SLIT2: variants seen among roughly 807,000 people sequenced by gnomAD.
SLIT2 encodes slit homolog 2 protein.
A neutral mutation model predicts 185.7 loss-of-function variants in SLIT2; 41 were observed. The observed-to-expected ratio is 0.22, with a 90% confidence interval of 0.17 to 0.29. SLIT2 has a LOEUF of 0.29. SLIT2 is among the 10% of genes least tolerant of loss of function. The pLI is 1.00. For missense variants in SLIT2, 1,571 were observed against 1,909.0 expected, an observed-to-expected ratio of 0.82 and a Z score of 3.30; for synonymous variants, 693 against 680.2, an observed-to-expected ratio of 1.02 and a Z score of -0.29.
At chr4:20,427,774 T>A (rs1442716495) in intron 4 of SLIT2, among the ~76,000 whole-genome samples, 2 of 152,136 alleles carry the variant, frequency 1.3e-5, no homozygotes, top group African/African-American at 2.4e-5. Flanking sequence ...ATGAATAGAT[T>A]ATTGCTTTTT....
intron 4 of SLIT2, among the ~76,000 whole-genome samples, chr4:20,326,726 T>A (rs1465521618): frequency 6.6e-6 from 1 of 150,520 alleles, no homozygotes; most frequent in Non-Finnish European, 1.5e-5. Flanking sequence ...TTGTTTGACA[T>A]GTTGAAAGCA....
rs1204536622 is a variant in SLIT2 at position 20,619,203 on chromosome 4, C to CAA, written c.*194_*195insAA. The CAA allele has an allele frequency of 7.2e-6, 4 of 558,910 alleles. No individual in the cohort carries two copies. The highest frequency in any genetic ancestry group is 1.9e-5 in the African/African-American group (1 of 52,620). The allele number at this position is 558,910 out of a possible 1,614,324, so 34.6% of individuals were successfully genotyped here. Reference sequence around the variant, plus strand: ...AAGAAATGCTTGAACTAAAGCTTCCCCTATGCTGGAGAAGTATGAAGAAAG... The same window carrying CAA: ...AAGAAATGCTTGAACTAAAGCTTCCCAACTATGCTGGAGAAGTATGAAGAAAG... On this transcript the variant is annotated 3_prime_UTR_variant, in exon 37 of 37. Coordinates refer to ENST00000504154, the MANE Select transcript of SLIT2 (RefSeq NM_004787.4).
At chr4:20,561,199 C>A (rs1254634900) in intron 26 of SLIT2, among the ~76,000 whole-genome samples, 1 of 151,688 alleles carries the variant, frequency 6.6e-6, no homozygotes, top group Admixed American at 6.6e-5. Flanking sequence ...GAATGTACCT[C>A]ATTACTTCAT....
chr4:20,587,551 C>T (rs1406371000), intron 29 of SLIT2, among the ~76,000 whole-genome samples: 1 of 152,174 alleles, frequency 6.6e-6, no homozygotes, highest in African/African-American at 2.4e-5. Context: ...CTAACAGTTT[C>T]TTGGAACTTT....
At chr4:20,299,603 G>A (rs1282247563) in intron 4 of SLIT2, among the ~76,000 whole-genome samples, 1 of 151,196 alleles carries the variant, frequency 6.6e-6, no homozygotes, top group Non-Finnish European at 1.5e-5. Flanking sequence ...TGCAGCATTG[G>A]CAGTGTTACA....
Position 20,528,863 on chromosome 4 carries a change from G to T in SLIT2, c.1463-86G>T. ...TTGTCTCCCTGCTACATAATCTATA[G>T]TTATCTTACTTTTTTCTTCCTACAA... On this transcript the variant is annotated intron_variant, in intron 15 of 36. Coordinates refer to ENST00000504154, the MANE Select transcript of SLIT2 (RefSeq NM_004787.4). The surrounding 1 kb of genome is among the most constrained non-coding windows in gnomAD (Gnocchi z 4.2). 1.8e-6 allele frequency: 2 copies of T among 1,088,626 alleles called. No individual in the cohort carries two copies. The highest frequency in any genetic ancestry group is 2.6e-6 in the Non-Finnish European group (2 of 756,948). 67.4% of individuals were successfully genotyped at this position (1,088,626 alleles called of 1,614,324 possible).
chr4:20,419,059 A>G (rs1304566453), intron 4 of SLIT2, among the ~76,000 whole-genome samples: 1 of 152,196 alleles, frequency 6.6e-6, no homozygotes, highest in Non-Finnish European at 1.5e-5. Context: ...AGATGGCACC[A>G]TTGTGACTCA....
At chr4:20,606,784 A>G (rs1728826968) in intron 33 of SLIT2, among the ~76,000 whole-genome samples, 1 of 152,236 alleles carries the variant, frequency 6.6e-6, no homozygotes, top group Admixed American at 6.5e-5. Flanking sequence ...ACTTTTATTA[A>G]CAATTCAGTG....
intron 32 of SLIT2, 112 bp from the exon 33 acceptor site, chr4:20,598,151 TCA>T (rs1447219244): frequency 4.4e-6 from 4 of 903,942 alleles, no homozygotes; most frequent in African/African-American, 1.8e-5. Context: ...CTCATAGCCA[TCA>T]GGAAAACATA....
In SLIT2 at chr4:20,253,845, C is replaced by T. The variant is rs1296812919; in HGVS notation, c.30C>T (p.Ser10=). ...GCGGCGTTGGCTGGCAGATGCTGTC[C>T]CTGTCGCTGGGGTTAGTGCTGGCGA... MRGVGWQML[S]LSLGLVLAIL... Residue 10 remains serine, a synonymous_variant, in exon 1 of 37, where the codon TCC becomes TCT. Transcript: ENST00000504154. The T allele has an allele frequency of 6.2e-7, 1 of 1,600,082 alleles. No individual in the cohort carries two copies.
intron 9 of SLIT2, among the ~76,000 whole-genome samples, chr4:20,495,116 G>A (rs1042699959): frequency 6.6e-6 from 1 of 152,098 alleles, no homozygotes; most frequent in Non-Finnish European, 1.5e-5. Flanking sequence ...TTGATAGAGT[G>A]GTAGGTCAAT....
intron 19 of SLIT2, among the ~76,000 whole-genome samples, chr4:20,541,029 G>A (rs1430592548): frequency 6.6e-6 from 1 of 152,070 alleles, no homozygotes. Flanking sequence ...CTGTTGTCAG[G>A]TTAAACTCAA....
At chr4:20,548,741 T>C (rs934726106) in intron 23 of SLIT2, among the ~76,000 whole-genome samples, 182 bp downstream of exon 23, 7 of 151,932 alleles carry the variant, frequency 4.6e-5, no homozygotes, top group African/African-American at 1.7e-4. Context: ...TTGCGTTCTA[T>C]TAAAAAAAAC....
intron 6 of SLIT2, among the ~76,000 whole-genome samples, chr4:20,482,490 G>A (rs954840479): frequency 6.6e-6 from 1 of 151,726 alleles, no homozygotes; most frequent in African/African-American, 2.4e-5. Flanking sequence ...AACTAATATC[G>A]TTGTCTTCAG....
intron 22 of SLIT2, 42 bp downstream of exon 22, chr4:20,546,141 C>G: frequency 9.0e-7 from 1 of 1,116,882 alleles, no homozygotes; most frequent in Non-Finnish European, 1.3e-6. Flanking sequence ...ACTCTATTTC[C>G]AGAAAATGGG....
intron 34 of SLIT2, among the ~76,000 whole-genome samples, chr4:20,612,485 G>A (rs975726112): frequency 2.0e-5 from 3 of 151,976 alleles, no homozygotes; most frequent in Non-Finnish European, 4.4e-5. Context: ...CTTTCTCCCC[G>A]CTTAGAGTGC....
At chr4:20,541,256 C>A (rs1266414132) in intron 19 of SLIT2, among the ~76,000 whole-genome samples, 197 bp from the exon 20 acceptor site, 2 of 151,830 alleles carry the variant, frequency 1.3e-5, no homozygotes, top group African/African-American at 4.8e-5. Flanking sequence ...TGCTTAAGTT[C>A]CAAGCATAAA....
chr4:20,610,046 T>C lies in SLIT2; in HGVS notation c.3726T>C (p.Ile1242=), dbSNP rs1350604696. 8 of 1,613,588 alleles carry C rather than the reference T, an allele frequency of 5.0e-6. No individual in the cohort carries two copies. Among genetic ancestry groups the C allele is most frequent in the Non-Finnish European group, 6.8e-6 (8 of 1,179,684 alleles). ...VETINDGNFH[I]VELLALDQSL... ...CAATCAATGATGGAAACTTCCACAT[T>C]GTGGAACTACTTGCCTTGGATCAGA... The change falls in exon 34 of 37, where the codon ATT becomes ATC. Residue 1242 remains isoleucine (I), a synonymous_variant. Coordinates refer to ENST00000504154, the MANE Select transcript of SLIT2 (RefSeq NM_004787.4).
At chr4:20,373,022 G>A (rs994240959) in intron 4 of SLIT2, among the ~76,000 whole-genome samples, 4 of 151,980 alleles carry the variant, frequency 2.6e-5, no homozygotes, top group African/African-American at 4.8e-5. Flanking sequence ...AGAAATCATA[G>A]GAGTTAGATG....
Sources: gnomAD v4.1 joint callset for allele counts (sites outside exome capture counted in the v4.1 genomes callset) on GRCh38, gnomAD v4.1.1 for gene constraint, Gnocchi (gnomAD v3.1) non-coding constraint, MANE v1.5 for transcripts, NCBI Gene and HGNC (gene_info 2026-07-23, HGNC 2026-07-21) for gene names.